CAMTA1: variants seen among roughly 807,000 people sequenced by gnomAD.
CAMTA1 encodes the protein calmodulin-binding transcription activator 1.
In CAMTA1, 27 loss-of-function variants were observed where a neutral mutation model predicts 170.9. The ratio of observed to expected loss-of-function variants is 0.16; its 90% CI spans 0.12 to 0.22. The LOEUF is 0.22. CAMTA1 is among the 10% of genes least tolerant of loss of function. The pLI is 1.00. For missense variants in CAMTA1, 1,619 were observed against 2,217.2 expected (o/e 0.73, Z 5.42); for synonymous variants, 833 against 891.5 (o/e 0.93, Z 1.17).
chr1:6,984,718 C>T (rs940640521), intron 3 of CAMTA1, among the ~76,000 whole-genome samples: 2 of 152,226 alleles, frequency 1.3e-5, no homozygotes, highest in Non-Finnish European at 2.9e-5. Flanking sequence ...TCTCTCTGCA[C>T]GTTTTCCCTC....
At chr1:7,011,362 T>A (rs952757785) in intron 3 of CAMTA1, among the ~76,000 whole-genome samples, 2 of 152,084 alleles carry the variant, frequency 1.3e-5, no homozygotes, top group Non-Finnish European at 2.9e-5. Context: ...GTAACTACTT[T>A]AAAAAACCCT....
At chr1:7,274,050 G>A (rs1281669517) in intron 5 of CAMTA1, among the ~76,000 whole-genome samples, 1 of 152,046 alleles carries the variant, frequency 6.6e-6, no homozygotes, top group Admixed American at 6.5e-5. Context: ...CAGGAAAGAG[G>A]AATATGAAAC....
At chr1:7,710,633 A>T (rs1022699697) in intron 11 of CAMTA1, among the ~76,000 whole-genome samples, 35 of 148,236 alleles carry the variant, frequency 2.4e-4, no homozygotes, top group African/African-American at 8.7e-4. Flanking sequence ...GAATTTATTG[A>T]CTCTTAGGAA....
chr1:7,371,197 C>G (rs989689120), intron 5 of CAMTA1, among the ~76,000 whole-genome samples: 3 of 151,512 alleles, frequency 2.0e-5, no homozygotes, highest in Non-Finnish European at 4.4e-5. Context: ...AGGCGTGAGC[C>G]ACCGTGCCTG....
chr1:7,207,117 T>G (rs1657884027), intron 4 of CAMTA1, among the ~76,000 whole-genome samples: 1 of 152,208 alleles, frequency 6.6e-6, no homozygotes, highest in South Asian at 2.1e-4. Context: ...TTTGCTGACT[T>G]ACTTGCATTA....
intron 22 of CAMTA1, among the ~76,000 whole-genome samples, chr1:7,761,306 TG>T (rs1195083058): frequency 1.3e-5 from 2 of 152,234 alleles, no homozygotes; most frequent in African/African-American, 4.8e-5. Flanking sequence ...ACAGCTCTCC[TG>T]AGGGCAGCAC....
chr1:6,962,111 CCT>C (rs1690532437), intron 3 of CAMTA1, among the ~76,000 whole-genome samples: 1 of 152,194 alleles, frequency 6.6e-6, no homozygotes, highest in African/African-American at 2.4e-5. Context: ...GGGCCTCACG[CCT>C]CTGTCTCATG....
chr1:7,606,961 G>T (rs970893703), intron 6 of CAMTA1, among the ~76,000 whole-genome samples: 6 of 152,246 alleles, frequency 3.9e-5, no homozygotes, highest in African/African-American at 1.2e-4. Flanking sequence ...TCAGCACCAG[G>T]AGAGTTAGCT....
chr1:7,579,198 C>T (rs1045099920), intron 6 of CAMTA1, among the ~76,000 whole-genome samples: 2 of 152,264 alleles, frequency 1.3e-5, no homozygotes, highest in Admixed American at 6.5e-5. Flanking sequence ...GCTGCCCCTC[C>T]ACCCTCACAG....
At chr1:7,370,805 G>A (rs1404231191) in intron 5 of CAMTA1, among the ~76,000 whole-genome samples, 1 of 151,712 alleles carries the variant, frequency 6.6e-6, no homozygotes, top group African/African-American at 2.4e-5. Context: ...AACACATTCC[G>A]ACTGTCACAT....
chr1:6,790,357 T>TGAGAGA (rs554353934), intron 1 of CAMTA1, among the ~76,000 whole-genome samples: 1 of 145,138 alleles, frequency 6.9e-6, no homozygotes, highest in Non-Finnish European at 1.5e-5. Flanking sequence ...GTGCAGAGTG[T>TGAGAGA]GAGAGAGAGA....
intron 3 of CAMTA1, among the ~76,000 whole-genome samples, chr1:6,826,344 CAG>C (rs1003604513): frequency 6.6e-6 from 1 of 152,162 alleles, no homozygotes; most frequent in African/African-American, 2.4e-5. Context: ...TCCCGTCAGA[CAG>C]AATGTTTTTG....
At position 7,107,112 on chromosome 1, in the gene CAMTA1, G is replaced by A. The variant is rs115737570; in HGVS notation, c.302+15741G>A. Among the ~76,000 whole-genome samples the A allele has an allele frequency of 9.3e-3, 1,416 of 152,160 alleles. 7 individuals carry two copies. Among genetic ancestry groups the A allele is most frequent in the Middle Eastern group, 0.024 (7 of 294 alleles). On this transcript the variant is annotated intron_variant, in intron 4 of 22. Transcript: ENST00000303635. ...CAAGCCATTATTGAGTGCCTGCTGCGTGCATAGGTTTGTAGTAGGCACTGT... is the reference window on the plus strand; with the variant it reads ...CAAGCCATTATTGAGTGCCTGCTGCATGCATAGGTTTGTAGTAGGCACTGT...
At chr1:7,727,151 C>G (rs1473660331) in intron 11 of CAMTA1, among the ~76,000 whole-genome samples, 1 of 136,664 alleles carries the variant, frequency 7.3e-6, no homozygotes, top group African/African-American at 2.8e-5. Context: ...GAGACAGAGT[C>G]TCGCTCTGTC....
At chr1:7,739,445 G>A (rs1421766964) in intron 16 of CAMTA1, among the ~76,000 whole-genome samples, 1 of 152,166 alleles carries the variant, frequency 6.6e-6, no homozygotes, top group Non-Finnish European at 1.5e-5. Flanking sequence ...CCCATTTCTG[G>A]GGAGTTGCCG....
rs765615131 is a variant in CAMTA1, at chr1:7,107,301, T to TGTGC, written c.302+15931_302+15932insTGCG. On this transcript the variant is annotated intron_variant, in intron 4 of 22. Transcript: ENST00000303635. ...GCATGTGTGTGTGTGTGTGTGTGTGTGCGCGCCCACACACACAGCTGTGGG... is the reference window on the plus strand; with the variant it reads ...GCATGTGTGTGTGTGTGTGTGTGTGTGTGCGCGCGCCCACACACACAGCTGTGGG... 1.6e-3 allele frequency among the ~76,000 whole-genome samples: 249 copies of TGTGC among 151,160 alleles called. 1 individual carries two copies. Among genetic ancestry groups the TGTGC allele is most frequent in the African/African-American group, 5.9e-3 (241 of 40,962 alleles).
At chr1:7,636,974 G>C (rs992997465) in intron 6 of CAMTA1, among the ~76,000 whole-genome samples, 7 of 152,234 alleles carry the variant, frequency 4.6e-5, no homozygotes, top group Non-Finnish European at 7.3e-5. Context: ...AGGCAGAGAG[G>C]GAATCAGGGA....
chr1:6,982,511 G>A (rs551393247), intron 3 of CAMTA1, among the ~76,000 whole-genome samples: 2 of 152,170 alleles, frequency 1.3e-5, no homozygotes, highest in African/African-American at 2.4e-5. Context: ...CTCCTTATGG[G>A]GGTGGGTGGC....
intron 6 of CAMTA1, among the ~76,000 whole-genome samples, chr1:7,604,467 C>T (rs527788862): frequency 2.6e-5 from 4 of 152,246 alleles, no homozygotes; most frequent in South Asian, 4.2e-4. Context: ...TCCAGTTGAT[C>T]GAATCAGCTA....
Sources: allele counts gnomAD v4.1 joint callset (sites outside exome capture counted in the v4.1 genomes callset), GRCh38; gene constraint gnomAD v4.1.1; transcripts MANE v1.5; gene names NCBI Gene and HGNC (gene_info 2026-07-23, HGNC 2026-07-21).